WDR11: variants seen among roughly 807,000 people sequenced by gnomAD.
WDR11 encodes WD repeat domain 11.
Under a neutral mutation model 151.2 loss-of-function variants are expected in WDR11, and 83 were observed. The ratio of observed to expected loss-of-function variants is 0.55; its 90% CI spans 0.46 to 0.66. The LOEUF is 0.66. Among genes scored for constraint, WDR11 ranks in the 30% least tolerant of loss-of-function variants. WDR11 has a pLI of 0.00. For synonymous variants in WDR11, 484 were observed against 533.1 expected, an observed-to-expected ratio of 0.91 and a Z score of 1.27; for missense variants, 1,301 against 1,480.9, an observed-to-expected ratio of 0.88 and a Z score of 1.99.
intron 5 of WDR11, among the ~76,000 whole-genome samples, chr10:120,863,785 A>T (rs1420469036): frequency 6.6e-6 from 1 of 152,106 alleles, no homozygotes; most frequent in Non-Finnish European, 1.5e-5. Context: ...TAAAAATATA[A>T]ATTGCTCTAC....
chr10:120,852,659 C>A (rs1310863821), intron 2 of WDR11, 24 bp downstream of exon 2: 1 of 1,586,280 alleles, frequency 6.3e-7, no homozygotes, highest in South Asian at 1.1e-5. Context: ...CACTTTGACG[C>A]TAACATGTTG....
chr10:120,878,330 C>T (rs1420759312), intron 11 of WDR11, 23 bp from the exon 12 acceptor site: 1 of 1,545,874 alleles, frequency 6.5e-7, no homozygotes, highest in East Asian at 2.3e-5. Context: ...TTAGTTTAAC[C>T]TTTATCTCAT....
chr10:120,857,548 A>G (rs1845991419), intron 2 of WDR11, among the ~76,000 whole-genome samples: 1 of 129,302 alleles, frequency 7.7e-6, no homozygotes, highest in Admixed American at 8.3e-5. Flanking sequence ...ATATATACAC[A>G]TACCTCATTT....
At chr10:120,899,316 A>G (rs1847727210) in intron 19 of WDR11, among the ~76,000 whole-genome samples, 1 of 152,160 alleles carries the variant, frequency 6.6e-6, no homozygotes, top group South Asian at 2.1e-4. Flanking sequence ...CTCAAGGTTG[A>G]TAGGCCATGT....
intron 11 of WDR11, among the ~76,000 whole-genome samples, chr10:120,874,672 G>C (rs1046771198): frequency 2.6e-5 from 4 of 151,576 alleles, no homozygotes; most frequent in African/African-American, 9.7e-5. Context: ...TGGTTTTTCT[G>C]TTCCTGTGTT....
Position 120,857,958 on chromosome 10 carries a change from A to C in WDR11, c.199-685A>C, listed in dbSNP as rs898466468. 2.7e-4 allele frequency among the ~76,000 whole-genome samples: 41 copies of C among 152,194 alleles called. 1 individual carries two copies. On this transcript the variant is annotated intron_variant, in intron 2 of 28. Coordinates refer to ENST00000263461, the MANE Select transcript of WDR11 (RefSeq NM_018117.12). ...TTTGAAGAAAATAAGCAGGATACTGAGAAGAGAGGGGTGGTAGTGACCAGG... is the reference window on the plus strand; with the variant it reads ...TTTGAAGAAAATAAGCAGGATACTGCGAAGAGAGGGGTGGTAGTGACCAGG...
At chr10:120,903,974 A>T in intron 23 of WDR11, 73 bp from the exon 24 acceptor site, 2 of 994,750 alleles carry the variant, frequency 2.0e-6, no homozygotes, top group Non-Finnish European at 1.6e-6. Context: ...TGATCTTATT[A>T]AGTACAGTAA....
chr10:120,878,856 G>A, intron 12 of WDR11: 1 of 160,228 alleles, frequency 6.2e-6, no homozygotes, highest in Non-Finnish European at 1.4e-5. Flanking sequence ...TATAGGTTAA[G>A]GATTGTTTTT....
At chr10:120,888,920 A>G (rs964647058) in intron 16 of WDR11, among the ~76,000 whole-genome samples, 158 bp from the exon 17 acceptor site, 1 of 152,150 alleles carries the variant, frequency 6.6e-6, no homozygotes, top group Non-Finnish European at 1.5e-5. Flanking sequence ...TTGATAGGCA[A>G]TGTAGCTCTT....
Position 120,908,867 on chromosome 10 carries a change from T to C in WDR11, c.*154T>C. ...AAGACTATGTGTGCCCAAAAGCACA[T>C]AAGCATCTATGTTGAGAGTAAGTTT... On this transcript the variant is annotated 3_prime_UTR_variant, in exon 29 of 29. Coordinates refer to ENST00000263461, the MANE Select transcript of WDR11 (RefSeq NM_018117.12). 1 of 780,912 alleles carries C rather than the reference T, an allele frequency of 1.3e-6. No homozygotes were observed. The highest frequency in any genetic ancestry group is 2.2e-6 in the Non-Finnish European group (1 of 460,644). The allele number at this position is 780,912 out of a possible 1,614,324, so 48.4% of individuals were successfully genotyped here.
intron 19 of WDR11, among the ~76,000 whole-genome samples, chr10:120,894,987 T>G (rs1234284264): frequency 6.6e-6 from 1 of 152,210 alleles, no homozygotes; most frequent in Non-Finnish European, 1.5e-5. Context: ...TCAACAATAT[T>G]TTGCTTTTGG....
At chr10:120,898,794 C>T (rs1057181271) in intron 19 of WDR11, among the ~76,000 whole-genome samples, 32 of 84,830 alleles carry the variant, frequency 3.8e-4, no homozygotes, top group African/African-American at 2.1e-3. Flanking sequence ...CCCAGCCATA[C>T]GGAACTGTTG....
intron 27 of WDR11, chr10:120,906,299 AT>A: frequency 7.6e-7 from 1 of 1,314,156 alleles, no homozygotes; most frequent in South Asian, 1.6e-5. Context: ...ATTGGGGTCC[AT>A]TCAGCTTTGA....
intron 11 of WDR11, among the ~76,000 whole-genome samples, chr10:120,876,978 C>CA (rs750620135): frequency 2.0e-5 from 3 of 152,198 alleles, no homozygotes; most frequent in Non-Finnish European, 4.4e-5. Flanking sequence ...TAGTAGGAAT[C>CA]ATGTTGGCAG....
At chr10:120,864,123 C>T (rs527738003) in intron 5 of WDR11, among the ~76,000 whole-genome samples, 29 of 152,238 alleles carry the variant, frequency 1.9e-4, no homozygotes, top group Non-Finnish European at 2.1e-4. Flanking sequence ...TTCCTGGACT[C>T]TTACTACAAT....
At chr10:120,865,588 A>G (rs1184313160) in intron 6 of WDR11, 42 bp from the exon 7 acceptor site, 3 of 1,315,176 alleles carry the variant, frequency 2.3e-6, no homozygotes, top group African/African-American at 3.0e-5. Flanking sequence ...TACTTTATTA[A>G]TCTATTGTGT....
chr10:120,892,291 T>A (rs1225702400), intron 19 of WDR11, among the ~76,000 whole-genome samples: 2 of 152,160 alleles, frequency 1.3e-5, no homozygotes, highest in Non-Finnish European at 2.9e-5. Context: ...TCTTTTAAAA[T>A]TTTTCTGATT....
intron 26 of WDR11, 153 bp from the exon 27 acceptor site, chr10:120,905,723 T>G: frequency 7.4e-7 from 1 of 1,357,276 alleles, no homozygotes; most frequent in Non-Finnish European, 1.0e-6. Context: ...ACCGTTATCA[T>G]TATTCAGAGT....
At chr10:120,866,144 A>T (rs1188961965) in intron 7 of WDR11, among the ~76,000 whole-genome samples, 1 of 151,940 alleles carries the variant, frequency 6.6e-6, no homozygotes, top group African/African-American at 2.4e-5. Context: ...AGTCAGTCTT[A>T]TCTTGGAGAA....
Sources: allele counts gnomAD v4.1 joint callset (sites outside exome capture counted in the v4.1 genomes callset), GRCh38; gene constraint gnomAD v4.1.1; transcripts MANE v1.5; gene names NCBI Gene and HGNC (gene_info 2026-07-23, HGNC 2026-07-21).